Variants in GREM2 observed in about 807,000 individuals in gnomAD.
The protein encoded by GREM2 is gremlin 2, DAN family BMP antagonist, also known as gremlin-2.
GREM2 carries 11 observed loss-of-function variants against 14.2 expected under a neutral mutation model. That is an observed-to-expected ratio of 0.78 (90% confidence interval 0.49 to 1.28). The LOEUF (loss-of-function observed/expected upper bound fraction) is 1.28, where lower values mean the gene tolerates loss of function less well. Among genes scored for constraint, GREM2 ranks in the 50% most tolerant of loss-of-function variants. The probability of loss-of-function intolerance (pLI) is 0.00; values close to 1 mark genes in which losing one functional copy is unlikely to be tolerated. For missense variants in GREM2, 210 were observed against 218.5 expected, an observed-to-expected ratio of 0.96 and a Z score of 0.24; for synonymous variants, 98 against 97.6, an observed-to-expected ratio of 1.00 and a Z score of -0.02.
chr1:240,545,366 G>A (rs192637391), intron 1 of GREM2, among the ~76,000 whole-genome samples: 17 of 152,360 alleles, frequency 1.1e-4, no homozygotes, highest in East Asian at 9.6e-4. Context: ...CTCTTCGTGC[G>A]TGCCTTGTCC....
chr1:240,497,868 C>T (rs925208168), intron 1 of GREM2, among the ~76,000 whole-genome samples: 3 of 152,040 alleles, frequency 2.0e-5, no homozygotes, highest in African/African-American at 4.8e-5. Flanking sequence ...ATCTCAATAG[C>T]CTCTTAAAAA....
At chr1:240,531,732 C>G (rs1229696002) in intron 1 of GREM2, 1 of 962,536 alleles carries the variant, frequency 1.0e-6, no homozygotes, top group African/African-American at 1.8e-5. Context: ...TTTTTTGAGA[C>G]AGTTTTGCTC....
chr1:240,501,506 C>T (rs1485003712), intron 1 of GREM2, among the ~76,000 whole-genome samples: 1 of 152,142 alleles, frequency 6.6e-6, no homozygotes, highest in Non-Finnish European at 1.5e-5. Flanking sequence ...TTGTAATCAA[C>T]GTTCTAAATC....
At chr1:240,588,767 G>A (rs373377832) in intron 1 of GREM2, 11 of 152,106 alleles carry the variant, frequency 7.2e-5, no homozygotes, top group East Asian at 5.8e-4. Flanking sequence ...GAAGCCTAAA[G>A]CTTAAAATAC....
chr1:240,606,661 T>A (rs1039115920), intron 1 of GREM2, among the ~76,000 whole-genome samples: 1 of 151,704 alleles, frequency 6.6e-6, no homozygotes, highest in African/African-American at 2.4e-5. Context: ...GTGGAAGAGT[T>A]AAGATTGAAA....
chr1:240,490,577 C>T lies in GREM2; in HGVS notation c.*2392G>A, dbSNP rs544910675. 1.6e-4 allele frequency: 25 copies of T among 152,670 alleles called. No homozygotes were observed. The highest frequency in any genetic ancestry group is 4.4e-5 in the Non-Finnish European group (3 of 68,008). The allele number at this position is 152,670 out of a possible 1,614,324, so 9.5% of individuals were successfully genotyped here. A position where few individuals can be genotyped will look rare whatever the true frequency, so the allele number is the denominator to read the frequency against. On this transcript the variant is annotated 3_prime_UTR_variant, in exon 2 of 2. Coordinates refer to ENST00000318160, the MANE Select transcript of GREM2 (RefSeq NM_022469.4). ...TTACATTATACTTATAGCTTTTCTT[C>T]ATTTATAAACAAAACAAAAAAATTA...
intron 1 of GREM2, among the ~76,000 whole-genome samples, chr1:240,548,667 A>C (rs1479939355): frequency 6.6e-6 from 1 of 152,222 alleles, no homozygotes; most frequent in Non-Finnish European, 1.5e-5. Context: ...AAAGATAAAG[A>C]GTGAGTTCGA....
chr1:240,524,646 T>TA (rs1282990179), intron 1 of GREM2, among the ~76,000 whole-genome samples: 2 of 152,186 alleles, frequency 1.3e-5, no homozygotes, highest in Non-Finnish European at 2.9e-5. Context: ...GAAGAAGCCA[T>TA]AGAAGAATGA....
Position 240,579,826 on chromosome 1 carries a change from G to A in GREM2, c.-2+32058C>T, listed in dbSNP as rs534671314. Among the ~76,000 whole-genome samples, 255 of 152,300 alleles carry A rather than the reference G, an allele frequency of 1.7e-3. 2 individuals are homozygous for A. The highest frequency in any genetic ancestry group is 5.7e-3 in the African/African-American group (239 of 41,574). On this transcript the variant is annotated intron_variant, in intron 1 of 1. Coordinates refer to ENST00000318160, the MANE Select transcript of GREM2 (RefSeq NM_022469.4). ...ACAGGGCATTTCTGGGGGAGAGAAG[G>A]ACATGAGGAGTGGCAGAAAAATTAA...
rs1036558176 is a variant in GREM2, at chr1:240,543,335, A to G, written c.-1-49859T>C. ...AAGAAAAGAGGTTTAATTTACTCACAGTTCCACATGGCTGGGGAGGCCTCA... is the reference window on the plus strand; with the variant it reads ...AAGAAAAGAGGTTTAATTTACTCACGGTTCCACATGGCTGGGGAGGCCTCA... On this transcript the variant is annotated intron_variant, in intron 1 of 1. Coordinates refer to ENST00000318160, the MANE Select transcript of GREM2 (RefSeq NM_022469.4). The surrounding 1 kb of genome is among the most constrained non-coding windows in gnomAD (Gnocchi z 6.4). Among the ~76,000 whole-genome samples the G allele has an allele frequency of 6.6e-6, 1 of 152,248 alleles. No homozygotes were observed. The highest frequency in any genetic ancestry group is 2.4e-5 in the African/African-American group (1 of 41,470).
At chr1:240,504,558 T>G (rs1256373341) in intron 1 of GREM2, among the ~76,000 whole-genome samples, 1 of 152,100 alleles carries the variant, frequency 6.6e-6, no homozygotes, top group African/African-American at 2.4e-5. Context: ...AAGTGATAGC[T>G]CCCATCCAAC....
intron 1 of GREM2, among the ~76,000 whole-genome samples, chr1:240,603,486 C>T (rs1679967559): frequency 6.6e-6 from 1 of 151,962 alleles, no homozygotes; most frequent in Non-Finnish European, 1.5e-5. Context: ...ATCTCCCATC[C>T]ATCTCCCATC....
intron 1 of GREM2, among the ~76,000 whole-genome samples, chr1:240,500,551 C>T (rs966286471): frequency 6.6e-6 from 1 of 152,086 alleles, no homozygotes; most frequent in Non-Finnish European, 1.5e-5. Context: ...GTGATCCATT[C>T]GCCTTGGCCT....
intron 1 of GREM2, among the ~76,000 whole-genome samples, chr1:240,587,793 T>C (rs2102861518): frequency 6.6e-6 from 1 of 152,302 alleles, no homozygotes; most frequent in East Asian, 1.9e-4. Flanking sequence ...TAATTCTGTG[T>C]TTTTATTGTG....
At chr1:240,576,511 T>G (rs1440166599) in intron 1 of GREM2, among the ~76,000 whole-genome samples, 13 of 152,148 alleles carry the variant, frequency 8.5e-5, no homozygotes. Context: ...TTCGTTTCGT[T>G]ACAAAACTTT....
chr1:240,609,043 GTCTCATCA>G, intron 1 of GREM2, among the ~76,000 whole-genome samples: 1 of 152,266 alleles, frequency 6.6e-6, no homozygotes, highest in Middle Eastern at 3.4e-3. Context: ...TATTCAGGAT[GTCTCATCA>G]AAAATGTATA....
chr1:240,555,490 T>C (rs1047381127), intron 1 of GREM2, among the ~76,000 whole-genome samples: 1 of 152,220 alleles, frequency 6.6e-6, no homozygotes, highest in African/African-American at 2.4e-5. Context: ...ATAATTCAAA[T>C]ATTTGTAAAA....
At chr1:240,570,885 C>A (rs1679247836) in intron 1 of GREM2, among the ~76,000 whole-genome samples, 9 of 152,198 alleles carry the variant, frequency 5.9e-5, no homozygotes, top group Admixed American at 5.9e-4. Flanking sequence ...GAGCTTAGTG[C>A]TGCTTACCTT....
intron 1 of GREM2, among the ~76,000 whole-genome samples, chr1:240,562,054 C>T (rs1679050850): frequency 6.6e-6 from 1 of 152,154 alleles, no homozygotes; most frequent in Non-Finnish European, 1.5e-5. Flanking sequence ...ATAATAATCA[C>T]AAGCTACTAT....
Sources: gnomAD v4.1 joint callset for allele counts (sites outside exome capture counted in the v4.1 genomes callset) on GRCh38, gnomAD v4.1.1 for gene constraint, Gnocchi (gnomAD v3.1) non-coding constraint, MANE v1.5 for transcripts, NCBI Gene and HGNC (gene_info 2026-07-23, HGNC 2026-07-21) for gene names.